IGF2BP3: variants seen among roughly 807,000 people sequenced by gnomAD.
IGF2BP3 encodes the protein insulin like growth factor 2 mRNA binding protein 3.
In IGF2BP3, 9 loss-of-function variants were observed where a neutral mutation model predicts 73.8. That is an observed-to-expected ratio of 0.12 (90% CI 0.07 to 0.21). The LOEUF is 0.21. Among genes scored for constraint, IGF2BP3 ranks in the 10% least tolerant of loss-of-function variants. IGF2BP3 has a pLI of 1.00. For missense variants in IGF2BP3, 542 were observed against 714.0 expected, an observed-to-expected ratio of 0.76 and a Z score of 2.75; for synonymous variants, 258 against 256.7, an observed-to-expected ratio of 1.01 and a Z score of -0.05.
At chr7:23,442,149 T>C (rs1029726182) in intron 2 of IGF2BP3, among the ~76,000 whole-genome samples, 1 of 152,228 alleles carries the variant, frequency 6.6e-6, no homozygotes, top group Admixed American at 6.5e-5. Context: ...TTTAAAAAGT[T>C]AATTTTTCTC....
chr7:23,413,459 C>T (rs1057281977), intron 3 of IGF2BP3: 3 of 151,812 alleles, frequency 2.0e-5, no homozygotes, highest in South Asian at 2.1e-4. Context: ...ACTCCAGCCT[C>T]GATGAAAGAG....
chr7:23,374,741 G>A (rs1785663598), intron 3 of IGF2BP3, among the ~76,000 whole-genome samples: 1 of 152,042 alleles, frequency 6.6e-6, no homozygotes, highest in Admixed American at 6.6e-5. Flanking sequence ...TTTGATATCG[G>A]GGGAAATTCA....
intron 3 of IGF2BP3, among the ~76,000 whole-genome samples, chr7:23,384,761 C>T (rs1037708686): frequency 4.6e-5 from 7 of 152,016 alleles, no homozygotes; most frequent in African/African-American, 1.7e-4. Context: ...TGTGGTGGTG[C>T]GTGCCTGTGG....
At chr7:23,425,062 T>C (rs1345846006) in intron 2 of IGF2BP3, among the ~76,000 whole-genome samples, 1 of 152,252 alleles carries the variant, frequency 6.6e-6, no homozygotes, top group Non-Finnish European at 1.5e-5. Context: ...ACAGCATTAC[T>C]GCTCCTAGAA....
At chr7:23,465,107 G>A (rs1788535785) in intron 2 of IGF2BP3, among the ~76,000 whole-genome samples, 1 of 152,136 alleles carries the variant, frequency 6.6e-6, no homozygotes. Flanking sequence ...AAGGACATCA[G>A]TGCTATTTAC....
intron 2 of IGF2BP3, among the ~76,000 whole-genome samples, chr7:23,422,387 C>T (rs1345408086): frequency 6.6e-6 from 1 of 152,110 alleles, no homozygotes; most frequent in Non-Finnish European, 1.5e-5. Flanking sequence ...GGGAGGAGTG[C>T]TTAAGGCCAG....
chr7:23,417,386 C>G lies in IGF2BP3; in HGVS notation c.285+1390G>C, dbSNP rs141790415. 5.6e-3 allele frequency among the ~76,000 whole-genome samples: 854 copies of G among 152,014 alleles called. 12 individuals carry two copies. The highest frequency in any genetic ancestry group is 0.019 in the African/African-American group (808 of 41,444). Reference sequence around the variant, plus strand: ...ACTAACTTGACACTACCTCAAAGGACAATGAGGAGAGTAAAGTGAAATACA... The same window carrying G: ...ACTAACTTGACACTACCTCAAAGGAGAATGAGGAGAGTAAAGTGAAATACA... On this transcript the variant is annotated intron_variant, in intron 3 of 14. Coordinates refer to ENST00000258729, the MANE Select transcript of IGF2BP3 (RefSeq NM_006547.3).
At chr7:23,320,898 T>C (rs1043756385) in intron 10 of IGF2BP3, among the ~76,000 whole-genome samples, 5 of 133,910 alleles carry the variant, frequency 3.7e-5, no homozygotes, top group African/African-American at 1.5e-4. Context: ...TGCAGTGAGC[T>C]GAGATCACAC....
At chr7:23,355,200 A>T (rs1321202801) in intron 5 of IGF2BP3, among the ~76,000 whole-genome samples, 4 of 150,924 alleles carry the variant, frequency 2.7e-5, no homozygotes. Context: ...ATTACTCAGG[A>T]GCCTGGTTTT....
At chr7:23,429,114 C>T (rs534589490) in intron 2 of IGF2BP3, among the ~76,000 whole-genome samples, 2 of 152,266 alleles carry the variant, frequency 1.3e-5, no homozygotes, top group African/African-American at 4.8e-5. Flanking sequence ...AATCTGGTCA[C>T]TAGAGGCACT....
chr7:23,344,527 G>A (rs1047467197), intron 8 of IGF2BP3, among the ~76,000 whole-genome samples: 2 of 152,282 alleles, frequency 1.3e-5, no homozygotes, highest in African/African-American at 2.4e-5. Flanking sequence ...AACTCCCTGC[G>A]GGACCTAGGT....
At chr7:23,381,081 C>G (rs1348848196) in intron 3 of IGF2BP3, among the ~76,000 whole-genome samples, 1 of 152,226 alleles carries the variant, frequency 6.6e-6, no homozygotes, top group Non-Finnish European at 1.5e-5. Context: ...GTATCTAGAA[C>G]AGGCCCTAGC....
chr7:23,412,920 T>C (rs1247288677), intron 3 of IGF2BP3, among the ~76,000 whole-genome samples: 2 of 126,832 alleles, frequency 1.6e-5, no homozygotes, highest in Non-Finnish European at 3.2e-5. Context: ...AGTGCAGTGG[T>C]GCGATCTTGG....
chr7:23,317,599 T>TTA (rs1414321252), intron 12 of IGF2BP3, 40 bp downstream of exon 12: 3 of 1,509,414 alleles, frequency 2.0e-6, no homozygotes, highest in Non-Finnish European at 2.8e-6. Flanking sequence ...ACCTGTGCAT[T>TTA]TGTTACCTGT....
intron 2 of IGF2BP3, among the ~76,000 whole-genome samples, chr7:23,443,006 A>G (rs1787971787): frequency 2.0e-5 from 3 of 151,396 alleles, no homozygotes; most frequent in African/African-American, 7.3e-5. Flanking sequence ...TATTAAACTT[A>G]TTTTGAAAAA....
intron 10 of IGF2BP3, among the ~76,000 whole-genome samples, chr7:23,320,720 G>T (rs1309522302): frequency 6.6e-6 from 1 of 151,006 alleles, no homozygotes; most frequent in East Asian, 1.9e-4. Context: ...GGCCAAGGTG[G>T]GTGGACTGCT....
At chr7:23,322,202 T>A (rs1195882407) in intron 10 of IGF2BP3, among the ~76,000 whole-genome samples, 2 of 152,056 alleles carry the variant, frequency 1.3e-5, no homozygotes, top group African/African-American at 2.4e-5. Flanking sequence ...ATAACTAGAA[T>A]AACCAATACA....
At chr7:23,364,772 A>G (rs968947663) in intron 3 of IGF2BP3, among the ~76,000 whole-genome samples, 2 of 152,150 alleles carry the variant, frequency 1.3e-5, no homozygotes, top group African/African-American at 4.8e-5. Flanking sequence ...TGAAAGCCAC[A>G]CTAATAATAA....
chr7:23,454,586 A>G (rs766788028), intron 2 of IGF2BP3, among the ~76,000 whole-genome samples: 11 of 152,316 alleles, frequency 7.2e-5, no homozygotes, highest in Non-Finnish European at 1.2e-4. Context: ...ACCCTCTGCC[A>G]TAGGTCTTAT....
Sources: gnomAD v4.1 joint callset for allele counts (sites outside exome capture counted in the v4.1 genomes callset) on GRCh38, gnomAD v4.1.1 for gene constraint, MANE v1.5 for transcripts, NCBI Gene and HGNC (gene_info 2026-07-23, HGNC 2026-07-21) for gene names.